Variants in LHFPL3 observed in about 807,000 individuals in gnomAD.
LHFPL3 encodes LHFPL tetraspan subfamily member 3 protein.
LHFPL3 carries 5 observed loss-of-function variants against 19.3 expected under a neutral mutation model. The observed-to-expected ratio is 0.26, with a 90% confidence interval of 0.14 to 0.54. The LOEUF is 0.54. Ranked by LOEUF, LHFPL3 falls within the 20% of genes least tolerant of loss-of-function variation. The pLI is 0.94. For missense variants in LHFPL3, 249 were observed against 307.4 expected (o/e 0.81, Z 1.42); for synonymous variants, 133 against 126.2 (o/e 1.05, Z -0.36).
At chr7:104,396,250 G>C (rs546463136) in intron 1 of LHFPL3, among the ~76,000 whole-genome samples, 1 of 152,278 alleles carries the variant, frequency 6.6e-6, no homozygotes, top group South Asian at 2.1e-4. Flanking sequence ...CTTATGTTAG[G>C]ACCATAATGT....
chr7:104,808,890 CTTTTT>C (rs151212974), intron 2 of LHFPL3, among the ~76,000 whole-genome samples: 10 of 77,214 alleles, frequency 1.3e-4, no homozygotes, highest in African/African-American at 2.8e-4. Context: ...ATGATAGATC[CTTTTT>C]TTTTTTTTTT....
At chr7:104,603,137 C>CCTT (rs1791016722) in intron 1 of LHFPL3, among the ~76,000 whole-genome samples, 87 of 30,624 alleles carry the variant, frequency 2.8e-3, no homozygotes, top group African/African-American at 9.6e-3. Context: ...TTTCTTTTTT[C>CCTT]CCTTCCTTCC....
At chr7:104,573,373 C>G (rs1169814958) in intron 1 of LHFPL3, among the ~76,000 whole-genome samples, 1 of 149,566 alleles carries the variant, frequency 6.7e-6, no homozygotes, top group African/African-American at 2.5e-5. Flanking sequence ...GATCACACCA[C>G]TGCACTCCAG....
rs183470802 is a variant in LHFPL3 at position 104,670,342 on chromosome 7, C to T, written c.446-66333C>T. On this transcript the variant is annotated intron_variant, in intron 1 of 2. Coordinates refer to ENST00000424859, the MANE Select transcript of LHFPL3 (RefSeq NM_199000.3). ...CACATGAATGGTTATTTCCTGGAGCCGGAAGCACTTGGGGGTCGTGGTAAT... is the reference window on the plus strand; with the variant it reads ...CACATGAATGGTTATTTCCTGGAGCTGGAAGCACTTGGGGGTCGTGGTAAT... 1.4e-3 allele frequency among the ~76,000 whole-genome samples: 212 copies of T among 152,198 alleles called. 3 individuals carry two copies. The highest frequency in any genetic ancestry group is 4.0e-3 in the African/African-American group (168 of 41,524).
intron 1 of LHFPL3, among the ~76,000 whole-genome samples, chr7:104,401,447 A>T (rs774228661): frequency 1.3e-5 from 2 of 152,220 alleles, no homozygotes; most frequent in East Asian, 3.8e-4. Context: ...TCATTTCAGT[A>T]GTGTTCAGAG....
chr7:104,437,757 G>T (rs1276834021), intron 1 of LHFPL3, among the ~76,000 whole-genome samples: 1 of 152,068 alleles, frequency 6.6e-6, no homozygotes, highest in Non-Finnish European at 1.5e-5. Flanking sequence ...CTTCCATACT[G>T]TCTCTGGGGG....
chr7:104,736,832 G>T lies in LHFPL3; in HGVS notation c.603G>T (p.Leu201=). The T allele has an allele frequency of 1.3e-5, 21 of 1,612,984 alleles. No homozygotes were observed. Among genetic ancestry groups the T allele is most frequent in the Non-Finnish European group, 1.7e-5 (20 of 1,179,582 alleles). ...ILAIIGILDA[L]ILSFLAFVLG... ...CTATTATTGGAATTTTGGATGCCCT[G>T]ATCCTCTCATTTCTAGCATTTGTGC... The change falls in exon 2 of 3, where the codon CTG becomes CTT. Residue 201 remains leucine (L), a synonymous_variant. Transcript: ENST00000424859.
At chr7:104,447,047 AAC>A (rs1792343482) in intron 1 of LHFPL3, among the ~76,000 whole-genome samples, 1 of 152,246 alleles carries the variant, frequency 6.6e-6, no homozygotes, top group South Asian at 2.1e-4. Context: ...ACAGACGTGA[AAC>A]AGTGTCACAT....
At chr7:104,627,024 A>G (rs1256678335) in intron 1 of LHFPL3, among the ~76,000 whole-genome samples, 1 of 152,150 alleles carries the variant, frequency 6.6e-6, no homozygotes, top group African/African-American at 2.4e-5. Flanking sequence ...TTTTAAGTAT[A>G]TAATACGTTA....
At chr7:104,547,798 A>C (rs1794600170) in intron 1 of LHFPL3, among the ~76,000 whole-genome samples, 1 of 148,478 alleles carries the variant, frequency 6.7e-6, no homozygotes, top group Non-Finnish European at 1.5e-5. Flanking sequence ...GGACCAGACA[A>C]GCTTTCAGAA....
At chr7:104,512,479 G>A (rs1793838040) in intron 1 of LHFPL3, among the ~76,000 whole-genome samples, 1 of 150,234 alleles carries the variant, frequency 6.7e-6, no homozygotes. Flanking sequence ...GCTCATGCCT[G>A]TAATCCCAAC....
At chr7:104,430,389 T>TAC (rs1791945671) in intron 1 of LHFPL3, among the ~76,000 whole-genome samples, 1 of 51,076 alleles carries the variant, frequency 2.0e-5, no homozygotes, top group Non-Finnish European at 3.1e-5. Flanking sequence ...TATACATATA[T>TAC]ATATATATAT....
chr7:104,504,854 G>A (rs966679796), intron 1 of LHFPL3, among the ~76,000 whole-genome samples: 5 of 152,256 alleles, frequency 3.3e-5, no homozygotes, highest in African/African-American at 9.6e-5. Context: ...AATTGGTTCA[G>A]CTTGCTTTGT....
intron 1 of LHFPL3, among the ~76,000 whole-genome samples, chr7:104,463,065 C>A (rs1001729785): frequency 3.3e-5 from 5 of 152,050 alleles, no homozygotes; most frequent in Non-Finnish European, 5.9e-5. Flanking sequence ...ATTTTTATTT[C>A]TGTGGGGTCA....
chr7:104,658,294 C>A (rs1432764149), intron 1 of LHFPL3, among the ~76,000 whole-genome samples: 1 of 152,194 alleles, frequency 6.6e-6, no homozygotes, highest in Non-Finnish European at 1.5e-5. Context: ...GAAGAAATAC[C>A]TGTTCCCAAC....
intron 1 of LHFPL3, among the ~76,000 whole-genome samples, chr7:104,556,945 CTT>C (rs1223594495): frequency 1.3e-5 from 2 of 152,198 alleles, no homozygotes; most frequent in African/African-American, 4.8e-5. Context: ...GCCCCAGTCT[CTT>C]TGCTAAAACA....
chr7:104,491,265 G>A (rs1403815472), intron 1 of LHFPL3, among the ~76,000 whole-genome samples: 2 of 152,232 alleles, frequency 1.3e-5, no homozygotes, highest in Admixed American at 6.5e-5. Context: ...ACAACTGGGG[G>A]AAACTGAATG....
intron 1 of LHFPL3, among the ~76,000 whole-genome samples, chr7:104,647,574 A>G (rs1323766528): frequency 6.6e-6 from 1 of 152,260 alleles, no homozygotes; most frequent in Non-Finnish European, 1.5e-5. Context: ...TGTATTAATT[A>G]GGAATGCTTT....
intron 2 of LHFPL3, among the ~76,000 whole-genome samples, chr7:104,837,432 A>T (rs1791117914): frequency 6.6e-6 from 1 of 152,174 alleles, no homozygotes; most frequent in Non-Finnish European, 1.5e-5. Context: ...ACTAAACTAT[A>T]TACCCTTTAA....
Sources: gnomAD v4.1 joint callset for allele counts (sites outside exome capture counted in the v4.1 genomes callset) on GRCh38, gnomAD v4.1.1 for gene constraint, MANE v1.5 for transcripts, NCBI Gene and HGNC (gene_info 2026-07-23, HGNC 2026-07-21) for gene names.